The following MYH10 variants were observed in gnomAD, a reference collection of about 807,000 sequenced individuals.
The protein encoded by MYH10 is myosin-10.
A neutral mutation model predicts 257.8 loss-of-function variants in MYH10; 55 were observed. That is an observed-to-expected ratio of 0.21 (90% confidence interval 0.17 to 0.27). MYH10 has a LOEUF of 0.27. Ranked by LOEUF, MYH10 falls within the 10% of genes least tolerant of loss-of-function variation. The pLI, the probability that MYH10 is intolerant of heterozygous loss-of-function variation, is 1.00. For missense variants in MYH10, 1,631 were observed against 2,500.6 expected (o/e 0.65, Z 7.42); for synonymous variants, 854 against 921.7 (o/e 0.93, Z 1.33).
intron 3 of MYH10, among the ~76,000 whole-genome samples, chr17:8,594,549 T>C (rs993826027): frequency 6.6e-5 from 10 of 152,144 alleles, no homozygotes; most frequent in African/African-American, 2.2e-4. Context: ...AACACACATC[T>C]ACCATATGAC....
At chr17:8,517,137 T>C (rs2081498927) in intron 21 of MYH10, among the ~76,000 whole-genome samples, 1 of 152,092 alleles carries the variant, frequency 6.6e-6, no homozygotes, top group Non-Finnish European at 1.5e-5. Flanking sequence ...CGAGACTCTG[T>C]CTCAAAAAAA....
intron 7 of MYH10, chr17:8,560,508 T>C (rs1439926346): frequency 1.6e-5 from 9 of 554,926 alleles, no homozygotes; most frequent in Non-Finnish European, 2.7e-5. Context: ...TCATTGTTGA[T>C]GGTAACTCCT....
chr17:8,479,636 T>C (rs72845105), intron 40 of MYH10, among the ~76,000 whole-genome samples: 93 of 152,338 alleles, frequency 6.1e-4, no homozygotes, highest in Non-Finnish European at 1.1e-3. Context: ...TATGACCTAA[T>C]AGCTTTGTAA....
chr17:8,592,970 T>TATATATATATATATATATA (rs1567953268), intron 3 of MYH10, among the ~76,000 whole-genome samples: 15 of 121,940 alleles, frequency 1.2e-4, no homozygotes, highest in Non-Finnish European at 1.9e-4. Flanking sequence ...TATATATATA[T>TATATATATATATATATATA]AAAAGATGAT....
At position 8,623,219 on chromosome 17, in the gene MYH10, G is replaced by A. The variant is rs763181526; in HGVS notation, c.28C>T (p.Pro10Ser). Reference protein sequence around the residue: MAQRTGLEDPERYLFVDRAV... With the variant: MAQRTGLEDSERYLFVDRAV... ...CTGTCCACAAAGAGATACCTCTCTG[G>A]ATCCTCGAGTCCAGTTCTCTGCGCC... Residue 10 changes from proline to serine, a missense_variant, in exon 2 of 43, where the codon CCA becomes TCA. Physicochemically the swap from Pro to Ser is moderately conservative, Grantham distance 74. Around this residue, in one of 11 missense-constraint regions of MYH10, gnomAD observed 360 missense variants for 581.9 expected, o/e 0.62. Coordinates refer to ENST00000360416, the MANE Select transcript of MYH10 (RefSeq NM_001256012.3). 6.2e-7 allele frequency: 1 copy of A among 1,600,598 alleles called. No individual in the cohort carries two copies. The highest frequency in any genetic ancestry group is 8.5e-7 in the Non-Finnish European group (1 of 1,174,950).
chr17:8,524,449 C>CAAAAAAAAAAAAA (rs541255427), intron 17 of MYH10, among the ~76,000 whole-genome samples: 4 of 62,158 alleles, frequency 6.4e-5, no homozygotes, highest in African/African-American at 2.6e-4. Context: ...GACTCTGTCT[C>CAAAAAAAAAAAAA]AAAAAAAAAA....
chr17:8,597,642 G>GTTTTTTTTTTTTTTTTTT (rs1162750945), intron 3 of MYH10, among the ~76,000 whole-genome samples: 1 of 148,590 alleles, frequency 6.7e-6, no homozygotes. Flanking sequence ...TTGAGATGGA[G>GTTTTTTTTTTTTTTTTTT]TCTCACTGTC....
chr17:8,522,987 A>C (rs1415017218), intron 17 of MYH10, among the ~76,000 whole-genome samples: 2 of 152,000 alleles, frequency 1.3e-5, no homozygotes, highest in African/African-American at 2.4e-5. Flanking sequence ...ATGTTTCTTG[A>C]TGATTTCTCT....
At position 8,495,277 on chromosome 17, in the gene MYH10, T is replaced by TAAGC. The variant is rs1298588610; in HGVS notation, c.3952-40_3952-37dup. On this transcript the variant is annotated intron_variant, in intron 30 of 42. Transcript: ENST00000360416. ...CAGAAGATTAAATTCAACTCAATAG[T>TAAGC]AAGCAAGCAGAAAGGGTCTAGAAAC... 4.5e-6 allele frequency: 6 copies of TAAGC among 1,321,788 alleles called. No homozygotes were observed. The Admixed American group carries it at 1.0e-4, about 22-fold the overall frequency. The allele number at this position is 1,321,788 out of a possible 1,614,324, so 81.9% of individuals were successfully genotyped here. A position where few individuals can be genotyped will look rare whatever the true frequency, so the allele number is the denominator to read the frequency against.
rs141809762 is a variant in MYH10 at position 8,524,629 on chromosome 17, G to A, written c.1958-3344C>T. Among the ~76,000 whole-genome samples, 5 of 151,998 alleles carry A rather than the reference G, an allele frequency of 3.3e-5. No individual in the cohort carries two copies. The East Asian group carries it at 7.7e-4, about 24-fold the overall frequency. On this transcript the variant is annotated intron_variant, in intron 17 of 42. Transcript: ENST00000360416. ...TCAAGCCAAAAGTTAAGATGTCATC[G>A]ATCCACCCTCCTCTCCCCTGCCCTT...
chr17:8,506,584 A>G lies in MYH10; in HGVS notation c.3215-95T>C. On this transcript the variant is annotated intron_variant, in intron 26 of 42. Coordinates refer to ENST00000360416, the MANE Select transcript of MYH10 (RefSeq NM_001256012.3). The surrounding 1 kb of genome is among the most constrained non-coding windows in gnomAD (Gnocchi z 5.0). The stretch of plus-strand genomic sequence containing the variant: ...GACTGATCCAAGTTGAAAATAAGCC[A>G]TTTTATTCAAAAGCATGTCACTGCC... 2 of 1,346,526 alleles carry G rather than the reference A, an allele frequency of 1.5e-6. No homozygotes were observed. The highest frequency in any genetic ancestry group is 2.1e-6 in the Non-Finnish European group (2 of 971,338). 83.4% of individuals were successfully genotyped at this position (1,346,526 alleles called of 1,614,324 possible). A position where few individuals can be genotyped will look rare whatever the true frequency, so the allele number is the denominator to read the frequency against.
chr17:8,589,020 A>C, intron 4 of MYH10, 61 bp downstream of exon 4: 2 of 1,548,560 alleles, frequency 1.3e-6, no homozygotes, highest in Non-Finnish European at 1.8e-6. Context: ...CCCAGACAAA[A>C]ATAGTTGCTC....
chr17:8,484,028 ATG>A, intron 37 of MYH10, 108 bp downstream of exon 37: 4 of 1,043,990 alleles, frequency 3.8e-6, no homozygotes, highest in Non-Finnish European at 5.4e-6. Flanking sequence ...AAAAACAAAA[ATG>A]TATACTGACA....
At chr17:8,493,945 C>G (rs1916160367) in intron 31 of MYH10, 60 bp from the exon 32 acceptor site, 1 of 1,539,114 alleles carries the variant, frequency 6.5e-7, no homozygotes, top group Non-Finnish European at 8.8e-7. Context: ...ACAAATACAC[C>G]TGTATTAAAG....
chr17:8,563,845 A>G lies in MYH10; in HGVS notation c.756+5875T>C, dbSNP rs115806844. ...TGCTGGAGGATACTTATCTACCAAGAGGTACATAATAGTTGGAAATTGCCA... is the reference window on the plus strand; with the variant it reads ...TGCTGGAGGATACTTATCTACCAAGGGGTACATAATAGTTGGAAATTGCCA... On this transcript the variant is annotated intron_variant, in intron 7 of 42. Coordinates refer to ENST00000360416, the MANE Select transcript of MYH10 (RefSeq NM_001256012.3). 3.0e-3 allele frequency among the ~76,000 whole-genome samples: 460 copies of G among 151,634 alleles called. 2 individuals carry two copies. The highest frequency in any genetic ancestry group is 0.011 in the African/African-American group (449 of 41,352).
intron 30 of MYH10, among the ~76,000 whole-genome samples, chr17:8,497,738 CAAAAAAAAAAA>C (rs559562540): frequency 1.8e-5 from 1 of 56,874 alleles, no homozygotes; most frequent in African/African-American, 7.4e-5. Context: ...GACTCTGTCT[CAAAAAAAAAAA>C]AAAAAAAAAA....
chr17:8,509,374 AATGC>A (rs1351580747), intron 25 of MYH10, among the ~76,000 whole-genome samples: 1 of 152,138 alleles, frequency 6.6e-6, no homozygotes, highest in African/African-American at 2.4e-5. Flanking sequence ...ATAACTTCAC[AATGC>A]ATTTCCCAGA....
chr17:8,521,415 G>C, intron 17 of MYH10, 130 bp from the exon 18 acceptor site: 1 of 942,826 alleles, frequency 1.1e-6, no homozygotes. Context: ...TATAGGTAAG[G>C]CAGTCAGCAT....
At chr17:8,543,813 T>C (rs1269066542) in intron 13 of MYH10, among the ~76,000 whole-genome samples, 1 of 152,254 alleles carries the variant, frequency 6.6e-6, no homozygotes, top group African/African-American at 2.4e-5. Context: ...TTGTCTTCCA[T>C]ATTTAAACTA....
Sources: gnomAD v4.1 joint callset for allele counts (sites outside exome capture counted in the v4.1 genomes callset) on GRCh38, gnomAD v4.1.1 for gene constraint, gnomAD v4.1.1 regional missense constraint, Gnocchi (gnomAD v3.1) non-coding constraint, MANE v1.5 for transcripts, NCBI Gene and HGNC (gene_info 2026-07-23, HGNC 2026-07-21) for gene names.